Variants in PCDHA4 observed in about 807,000 individuals in gnomAD.
The protein encoded by PCDHA4 is protocadherin alpha 4, also known as protocadherin alpha-4.
A neutral mutation model predicts 61.4 loss-of-function variants in PCDHA4; 49 were observed. The ratio of observed to expected loss-of-function variants is 0.80; its 90% CI spans 0.63 to 1.01. The LOEUF (loss-of-function observed/expected upper bound fraction) is 1.01, where lower values mean the gene tolerates loss of function less well. PCDHA4 is among the 50% of genes least tolerant of loss of function. PCDHA4 has a pLI of 0.00. For synonymous variants in PCDHA4, 590 were observed against 550.3 expected (o/e 1.07, Z -1.01); for missense variants, 1,254 against 1,235.8 (o/e 1.01, Z -0.22).
intron 1 of PCDHA4, chr5:140,860,059 T>A (rs894082800): frequency 2.7e-5 from 4 of 150,452 alleles, no homozygotes; most frequent in African/African-American, 9.8e-5. Context: ...GAGGCCAAGG[T>A]GGGAGGATGG....
At chr5:140,962,543 G>A (rs962454688) in intron 1 of PCDHA4, among the ~76,000 whole-genome samples, 1 of 152,176 alleles carries the variant, frequency 6.6e-6, no homozygotes, top group African/African-American at 2.4e-5. Flanking sequence ...AACTAAAAAT[G>A]TAGAGGATCT....
chr5:140,858,565 T>C (rs782424378), intron 1 of PCDHA4: 1 of 1,375,216 alleles, frequency 7.3e-7, no homozygotes, highest in South Asian at 1.3e-5. Flanking sequence ...ATATTTCTAG[T>C]GATACCTTTG....
intron 3 of PCDHA4, among the ~76,000 whole-genome samples, chr5:141,009,108 A>G (rs529319870): frequency 5.3e-5 from 8 of 152,346 alleles, no homozygotes; most frequent in African/African-American, 1.9e-4. Context: ...TGTTACTATG[A>G]AACTAGATTC....
intron 1 of PCDHA4, among the ~76,000 whole-genome samples, chr5:140,889,158 T>A (rs2062123549): frequency 6.6e-6 from 1 of 151,892 alleles, no homozygotes; most frequent in Non-Finnish European, 1.5e-5. Context: ...TCTTCTTTGT[T>A]AAGTATTCAA....
In PCDHA4 at chr5:140,852,077, T is replaced by C. The variant is rs1291291529; in HGVS notation, c.2385+42505T>C. 28 of 903,448 alleles carry C rather than the reference T, an allele frequency of 3.1e-5. 1 individual carries two copies. The highest frequency in any genetic ancestry group is 3.8e-5 in the Non-Finnish European group (28 of 741,468). The allele number at this position is 903,448 out of a possible 1,614,324, so 56.0% of individuals were successfully genotyped here. ...ATATTTTTCTTTCTCTTTCAGCTAT[T>C]TTATTTAATATTGTGTCAGATATTT... is the stretch of plus-strand genomic sequence containing the variant. On this transcript the variant is annotated intron_variant, in intron 1 of 3. Coordinates refer to ENST00000530339, the MANE Select transcript of PCDHA4 (RefSeq NM_018907.4).
chr5:140,954,610 A>T (rs1464657596), intron 1 of PCDHA4, among the ~76,000 whole-genome samples: 1 of 151,962 alleles, frequency 6.6e-6, no homozygotes, highest in East Asian at 1.9e-4. Flanking sequence ...CCACTTTTTA[A>T]TGGGCTTGTT....
intron 1 of PCDHA4, among the ~76,000 whole-genome samples, chr5:140,881,035 C>T (rs563210273): frequency 6.6e-6 from 1 of 152,186 alleles, no homozygotes; most frequent in African/African-American, 2.4e-5. Context: ...CAGTCATTTC[C>T]TATAGAGTTG....
intron 1 of PCDHA4, among the ~76,000 whole-genome samples, chr5:140,915,068 ACTGAGTAG>A (rs2076964271): frequency 1.3e-5 from 2 of 150,322 alleles, no homozygotes; most frequent in South Asian, 4.2e-4. Context: ...GCCTTAGCCT[ACTGAGTAG>A]CTGGGACTAT....
chr5:140,809,394 A>G lies in PCDHA4; in HGVS notation c.2207A>G (p.Lys736Arg). The G allele has an allele frequency of 1.1e-5, 18 of 1,614,068 alleles. No homozygotes were observed. The highest frequency in any genetic ancestry group is 1.5e-5 in the Non-Finnish European group (18 of 1,179,956). Reference sequence around the variant, plus strand: ...ACCGAGGGCGCGTGCGCTCCGGGCAAGCCCACGCTGGTGTGCTCCAGTGCG... The same window carrying G: ...ACCGAGGGCGCGTGCGCTCCGGGCAGGCCCACGCTGGTGTGCTCCAGTGCG... ...LPTEGACAPG[K>R]PTLVCSSAVG... Residue 736 changes from lysine to arginine, a missense_variant, in exon 1 of 4, where the codon AAG becomes AGG. Physicochemically the swap from Lys to Arg is conservative, Grantham distance 26. Transcript: ENST00000530339.
At chr5:140,992,035 G>A (rs529236840) in intron 3 of PCDHA4, among the ~76,000 whole-genome samples, 1 of 151,988 alleles carries the variant, frequency 6.6e-6, no homozygotes, top group Non-Finnish European at 1.5e-5. Flanking sequence ...GTGTGTGTGT[G>A]TGTGTGTGTG....
intron 1 of PCDHA4, among the ~76,000 whole-genome samples, chr5:140,971,300 A>T (rs555201828): frequency 2.0e-5 from 3 of 152,380 alleles, no homozygotes; most frequent in African/African-American, 7.2e-5. Flanking sequence ...ACTTTGGTAC[A>T]CAAACATTTA....
intron 1 of PCDHA4, chr5:140,843,119 G>C (rs2150353177): frequency 6.3e-7 from 1 of 1,595,872 alleles, no homozygotes; most frequent in South Asian, 1.1e-5. Flanking sequence ...AGTGGACGCC[G>C]ACTCGGGCTA....
chr5:140,967,049 A>G (rs782123539), intron 1 of PCDHA4: 12 of 1,612,528 alleles, frequency 7.4e-6, no homozygotes, highest in Non-Finnish European at 9.3e-6. Flanking sequence ...GCTGGACCTG[A>G]CGAGTGGAGC....
chr5:140,883,339 C>T (rs142984869), intron 1 of PCDHA4: 2 of 1,614,172 alleles, frequency 1.2e-6, no homozygotes, highest in Admixed American at 3.3e-5. Flanking sequence ...CTTTGTCACT[C>T]CCCATCAGAG....
In PCDHA4 at chr5:140,856,768, C is replaced by G; in HGVS notation, c.2385+47196C>G. 1.3e-6 allele frequency: 2 copies of G among 1,596,818 alleles called. 1 individual carries two copies. ...TAGATGCCAATGATAACGCCCCTAT[C>G]TTTGACAGACCGGTTTATGAAGTTA... On this transcript the variant is annotated intron_variant, in intron 1 of 3. Coordinates refer to ENST00000530339, the MANE Select transcript of PCDHA4 (RefSeq NM_018907.4).
At position 140,822,730 on chromosome 5, in the gene PCDHA4, A is replaced by G. The variant is rs2150118884; in HGVS notation, c.2385+13158A>G. The G allele has an allele frequency of 2.5e-6, 4 of 1,613,236 alleles. No individual in the cohort carries two copies. The Admixed American group carries it at 5.0e-5, about 20-fold the overall frequency. On this transcript the variant is annotated intron_variant, in intron 1 of 3. Transcript: ENST00000530339. Reference sequence around the variant, plus strand: ...AGACTATAACTCATATGAAATTAATATTGATGCCATGGATAAAAGTACATT... The same window carrying G: ...AGACTATAACTCATATGAAATTAATGTTGATGCCATGGATAAAAGTACATT...
At position 140,870,457 on chromosome 5, in the gene PCDHA4, C is replaced by T. The variant is rs2052038650; in HGVS notation, c.2385+60885C>T. 3.1e-6 allele frequency: 5 copies of T among 1,614,110 alleles called. No individual in the cohort carries two copies. Among genetic ancestry groups the T allele is most frequent in the African/African-American group, 1.3e-5 (1 of 74,948 alleles). ...GGTGGCCGACGTGAACGACAATGCG[C>T]CTGCGTTCGCACAGCCCGAGTACAC... On this transcript the variant is annotated intron_variant, in intron 1 of 3. Coordinates refer to ENST00000530339, the MANE Select transcript of PCDHA4 (RefSeq NM_018907.4).
chr5:140,873,275 T>C (rs1335407966), intron 1 of PCDHA4, among the ~76,000 whole-genome samples: 1 of 152,220 alleles, frequency 6.6e-6, no homozygotes, highest in Non-Finnish European at 1.5e-5. Context: ...TAAACCATCA[T>C]ACCACTTATG....
intron 1 of PCDHA4, among the ~76,000 whole-genome samples, chr5:140,977,973 A>G (rs1336063493): frequency 4.6e-5 from 7 of 152,178 alleles, no homozygotes; most frequent in Admixed American, 3.9e-4. Flanking sequence ...TCCGCCCATG[A>G]AAACGCATCT....
Sources: allele counts gnomAD v4.1 joint callset (sites outside exome capture counted in the v4.1 genomes callset), GRCh38; gene constraint gnomAD v4.1.1; transcripts MANE v1.5; gene names NCBI Gene and HGNC (gene_info 2026-07-23, HGNC 2026-07-21).